The following CNGB3 variants were observed in gnomAD, a reference collection of about 807,000 sequenced individuals.
The protein encoded by CNGB3 is cyclic nucleotide gated channel subunit beta 3.
Under a neutral mutation model 92.8 loss-of-function variants are expected in CNGB3, and 86 were observed. The observed-to-expected ratio is 0.93, with a 90% CI of 0.78 to 1.11. The LOEUF (loss-of-function observed/expected upper bound fraction) is 1.11, where lower values mean the gene tolerates loss of function less well. Among genes scored for constraint, CNGB3 ranks in the 50% least tolerant of loss-of-function variants. The pLI, the probability that CNGB3 is intolerant of heterozygous loss-of-function variation, is 0.00. For missense variants in CNGB3, 1,026 were observed against 956.8 expected (o/e 1.07, Z -0.95); for synonymous variants, 333 against 332.7 (o/e 1.00, Z -0.01).
chr8:86,579,857 C>A (rs1247154707), intron 15 of CNGB3, among the ~76,000 whole-genome samples: 1 of 152,112 alleles, frequency 6.6e-6, no homozygotes, highest in Admixed American at 6.5e-5. Flanking sequence ...GTAAACATAC[C>A]CTCTTCTTTT....
chr8:86,620,054 G>A (rs1323455543), intron 13 of CNGB3, among the ~76,000 whole-genome samples: 1 of 152,072 alleles, frequency 6.6e-6, no homozygotes, highest in Non-Finnish European at 1.5e-5. Flanking sequence ...AACTTTTCCA[G>A]TTCCTTCCCA....
Position 86,670,850 on chromosome 8 carries a change from G to T in CNGB3, c.493+94C>A, listed in dbSNP as rs1011136193. ...ACTGTACGTAAATCATTTTCTCAGG[G>T]TCTGCTTTTGGGAGATCCAAACTAA... On this transcript the variant is annotated intron_variant, in intron 4 of 17. Transcript: ENST00000320005. 18 of 1,294,002 alleles carry T rather than the reference G, an allele frequency of 1.4e-5. No homozygotes were observed. In the African/African-American group the frequency reaches 1.5e-4, roughly 10 times the overall value. 80.2% of individuals were successfully genotyped at this position (1,294,002 alleles called of 1,614,324 possible). A position where few individuals can be genotyped will look rare whatever the true frequency, so the allele number is the denominator to read the frequency against.
intron 13 of CNGB3, among the ~76,000 whole-genome samples, chr8:86,623,963 C>T (rs1822792859): frequency 6.6e-6 from 1 of 152,180 alleles, no homozygotes; most frequent in Non-Finnish European, 1.5e-5. Flanking sequence ...TCATCTCTTC[C>T]ACAGATGGTT....
chr8:86,735,823 T>A (rs1291629844), intron 2 of CNGB3, among the ~76,000 whole-genome samples: 1 of 152,182 alleles, frequency 6.6e-6, no homozygotes, highest in African/African-American at 2.4e-5. Context: ...GAGATTATGG[T>A]GTGGACAGCT....
chr8:86,595,140 AATACCTG>A (rs1197259721), intron 15 of CNGB3, among the ~76,000 whole-genome samples: 2 of 152,136 alleles, frequency 1.3e-5, no homozygotes, highest in Non-Finnish European at 2.9e-5. Flanking sequence ...AATCTAAGAC[AATACCTG>A]ACTTCAAGTC....
At chr8:86,706,271 T>C (rs934245614) in intron 3 of CNGB3, among the ~76,000 whole-genome samples, 5 of 152,234 alleles carry the variant, frequency 3.3e-5, no homozygotes, top group Non-Finnish European at 7.3e-5. Flanking sequence ...AGCCCCTCTC[T>C]TCCCCTTAGA....
At chr8:86,599,469 T>C (rs932639686) in intron 15 of CNGB3, among the ~76,000 whole-genome samples, 12 of 152,172 alleles carry the variant, frequency 7.9e-5, no homozygotes, top group African/African-American at 2.9e-4. Context: ...AACCTTAAAC[T>C]CTGACTGCCA....
intron 2 of CNGB3, among the ~76,000 whole-genome samples, chr8:86,735,042 G>GGAT: frequency 1.2e-5 from 1 of 85,872 alleles, no homozygotes; most frequent in East Asian, 3.8e-4. Context: ...AATGCCGGTG[G>GGAT]TTTTTTTTTT....
intron 3 of CNGB3, among the ~76,000 whole-genome samples, chr8:86,711,067 G>A (rs902329972): frequency 6.6e-6 from 1 of 152,152 alleles, no homozygotes; most frequent in Non-Finnish European, 1.5e-5. Context: ...TGCAAAATAT[G>A]TACTTCTAGA....
chr8:86,721,427 G>C (rs1047857972), intron 3 of CNGB3, among the ~76,000 whole-genome samples: 1 of 151,834 alleles, frequency 6.6e-6, no homozygotes, highest in African/African-American at 2.4e-5. Context: ...GAGTGGGAAG[G>C]GGGTGAAGGA....
At chr8:86,682,949 G>A (rs970011724) in intron 3 of CNGB3, among the ~76,000 whole-genome samples, 1 of 152,144 alleles carries the variant, frequency 6.6e-6, no homozygotes, top group African/African-American at 2.4e-5. Context: ...GAGCCCTGGA[G>A]CACCAGGCTC....
intron 13 of CNGB3, among the ~76,000 whole-genome samples, chr8:86,617,315 T>C (rs1021664248): frequency 3.4e-4 from 51 of 152,234 alleles, no homozygotes; most frequent in African/African-American, 1.2e-3. Flanking sequence ...GAACTTAAGA[T>C]AGCATCAGTA....
chr8:86,662,496 C>T (rs1823661147), intron 6 of CNGB3, among the ~76,000 whole-genome samples: 1 of 152,164 alleles, frequency 6.6e-6, no homozygotes, highest in Admixed American at 6.5e-5. Context: ...ATTCATTTGA[C>T]AATCAATTGT....
chr8:86,691,946 A>G (rs929555410), intron 3 of CNGB3, among the ~76,000 whole-genome samples: 8 of 152,172 alleles, frequency 5.3e-5, no homozygotes, highest in African/African-American at 4.8e-5. Flanking sequence ...TTCAGTTCAA[A>G]TAATTTTTTA....
chr8:86,586,247 GGTAA>G, intron 15 of CNGB3, among the ~76,000 whole-genome samples: 1 of 152,024 alleles, frequency 6.6e-6, no homozygotes, highest in East Asian at 1.9e-4. Context: ...CTAGGCATGG[GGTAA>G]GTGTGTATGC....
At chr8:86,694,169 G>C (rs1447714184) in intron 3 of CNGB3, among the ~76,000 whole-genome samples, 2 of 133,322 alleles carry the variant, frequency 1.5e-5, no homozygotes, top group Non-Finnish European at 3.3e-5. Flanking sequence ...CTGGCCGGGC[G>C]GGGGGCTGAC....
intron 3 of CNGB3, among the ~76,000 whole-genome samples, chr8:86,705,946 T>C (rs1824644432): frequency 6.6e-6 from 1 of 152,234 alleles, no homozygotes; most frequent in Admixed American, 6.5e-5. Flanking sequence ...TGTTAACACC[T>C]GGATAACTTT....
intron 6 of CNGB3, chr8:86,660,330 C>T (rs548478144): frequency 1.6e-5 from 6 of 367,240 alleles, no homozygotes; most frequent in East Asian, 6.8e-5. Flanking sequence ...CATATCAGCA[C>T]GATCCTGGCA....
At chr8:86,639,229 A>G (rs920065265) in intron 10 of CNGB3, among the ~76,000 whole-genome samples, 2 of 152,030 alleles carry the variant, frequency 1.3e-5, no homozygotes, top group African/African-American at 4.8e-5. Context: ...ACAGTGGGAA[A>G]TTTATGTCAG....
Sources: allele counts gnomAD v4.1 joint callset (sites outside exome capture counted in the v4.1 genomes callset), GRCh38; gene constraint gnomAD v4.1.1; transcripts MANE v1.5; gene names NCBI Gene and HGNC (gene_info 2026-07-23, HGNC 2026-07-21).